PDE10A: variants seen among roughly 807,000 people sequenced by gnomAD.
PDE10A encodes phosphodiesterase 10A.
A neutral mutation model predicts 97.7 loss-of-function variants in PDE10A; 39 were observed. The observed-to-expected ratio is 0.40, with a 90% CI of 0.31 to 0.52. PDE10A has a LOEUF of 0.52. PDE10A is among the 20% of genes least tolerant of loss of function. The pLI is 0.56. For synonymous variants in PDE10A, 371 were observed against 376.8 expected (o/e 0.98, Z 0.18); for missense variants, 731 against 1,047.8 (o/e 0.70, Z 4.17).
intron 1 of PDE10A, among the ~76,000 whole-genome samples, chr6:165,722,693 G>A (rs1449832931): frequency 6.6e-6 from 1 of 152,150 alleles, no homozygotes; most frequent in African/African-American, 2.4e-5. Flanking sequence ...GGATAAGGTG[G>A]GAGATGGTGT....
intron 1 of PDE10A, among the ~76,000 whole-genome samples, chr6:165,846,332 A>G (rs1780418025): frequency 6.6e-6 from 1 of 152,220 alleles, no homozygotes; most frequent in Non-Finnish European, 1.5e-5. Flanking sequence ...CTCCATCGGA[A>G]GTACCGAGGT....
At chr6:165,896,478 C>G (rs1440665468) in intron 1 of PDE10A, among the ~76,000 whole-genome samples, 3 of 151,182 alleles carry the variant, frequency 2.0e-5, no homozygotes, top group Non-Finnish European at 4.4e-5. Flanking sequence ...CTCAGCCTCC[C>G]AAGCAGCTGG....
intron 1 of PDE10A, among the ~76,000 whole-genome samples, chr6:165,783,015 A>G (rs1778387226): frequency 6.7e-6 from 1 of 149,312 alleles, no homozygotes; most frequent in Non-Finnish European, 1.5e-5. Context: ...TGCTCTACAT[A>G]CACTTCCTCG....
In PDE10A at chr6:165,896,521, ATTT is replaced by A. The variant is rs35509574; in HGVS notation, c.-615+91005_-615+91007del. 2.0e-3 allele frequency among the ~76,000 whole-genome samples: 212 copies of A among 105,748 alleles called. 1 individual carries two copies. Among genetic ancestry groups the A allele is most frequent in the African/African-American group, 7.7e-3 (199 of 25,688 alleles). 69.4% of individuals were successfully genotyped at this position (105,748 alleles called of 152,430 possible). ...GGTGCCCACCACAACACGCCAGCTA[ATTT>A]TTTTTTTTTTTTTTTTTTGAGATGG... On this transcript the variant is annotated intron_variant, in intron 1 of 19. Coordinates refer to the PDE10A transcript ENST00000366882.
chr6:165,427,681 C>A (rs220827), intron 10 of PDE10A, among the ~76,000 whole-genome samples: 149,655 of 152,268 alleles, frequency 0.98, 73,548 homozygotes, highest in East Asian at 1. Flanking sequence ...TTTAAAAGAA[C>A]ATATTAATAA....
intron 1 of PDE10A, among the ~76,000 whole-genome samples, chr6:165,804,160 A>G (rs2128465997): frequency 6.6e-6 from 1 of 152,340 alleles, no homozygotes. Context: ...TCGGTTTAAA[A>G]AGTTAAATAC....
At chr6:165,575,444 C>T (rs1451743238) in intron 1 of PDE10A, among the ~76,000 whole-genome samples, 3 of 152,168 alleles carry the variant, frequency 2.0e-5, no homozygotes, top group Admixed American at 2.0e-4. Context: ...TGAACCTCTA[C>T]CCACTTTCTA....
chr6:165,866,912 A>G (rs1168306838), intron 1 of PDE10A, among the ~76,000 whole-genome samples: 1 of 152,088 alleles, frequency 6.6e-6, no homozygotes, highest in Non-Finnish European at 1.5e-5. Flanking sequence ...ATTCATCATT[A>G]TTAGACTAGT....
intron 1 of PDE10A, among the ~76,000 whole-genome samples, chr6:165,691,521 T>A (rs1246833546): frequency 6.6e-6 from 1 of 151,674 alleles, no homozygotes; most frequent in East Asian, 2.0e-4. Flanking sequence ...AACACATTTC[T>A]CAGAATGCAT....
intron 18 of PDE10A, among the ~76,000 whole-genome samples, chr6:165,358,847 T>C (rs1364323362): frequency 1.3e-5 from 2 of 151,794 alleles, no homozygotes; most frequent in Non-Finnish European, 2.9e-5. Flanking sequence ...AGTAGATAAA[T>C]ATGCATATTC....
intron 3 of PDE10A, among the ~76,000 whole-genome samples, chr6:165,478,694 TC>T (rs1779431891): frequency 6.6e-6 from 1 of 152,176 alleles, no homozygotes; most frequent in African/African-American, 2.4e-5. Context: ...CCTTTCCCTT[TC>T]CAGGTCTTTT....
At chr6:165,841,065 G>A (rs576109362) in intron 1 of PDE10A, among the ~76,000 whole-genome samples, 5 of 152,156 alleles carry the variant, frequency 3.3e-5, no homozygotes, top group Non-Finnish European at 7.3e-5. Flanking sequence ...TCTCAGCATG[G>A]TACTTTGTCC....
intron 3 of PDE10A, among the ~76,000 whole-genome samples, chr6:165,474,887 GA>G (rs1488709925): frequency 6.6e-6 from 1 of 152,070 alleles, no homozygotes; most frequent in African/African-American, 2.4e-5. Context: ...GAGAAAAAGA[GA>G]AAAAAGCAAG....
At chr6:165,656,579 T>C (rs1039716632) in intron 1 of PDE10A, among the ~76,000 whole-genome samples, 11 of 152,078 alleles carry the variant, frequency 7.2e-5, no homozygotes, top group African/African-American at 1.9e-4. Context: ...TGAGGGGTCA[T>C]TGTAAAGTAT....
At chr6:165,968,699 T>A (rs1784586168) in intron 1 of PDE10A, among the ~76,000 whole-genome samples, 1 of 152,120 alleles carries the variant, frequency 6.6e-6, no homozygotes. Context: ...TGAAGATGAT[T>A]AACAGATCAA....
intron 1 of PDE10A, among the ~76,000 whole-genome samples, chr6:165,983,148 G>A (rs576160779): frequency 1.8e-4 from 28 of 152,192 alleles, no homozygotes; most frequent in African/African-American, 5.8e-4. Flanking sequence ...GTCTAAGCTA[G>A]GATAATGTAC....
chr6:165,435,417 A>T, intron 5 of PDE10A, 40 bp from the exon 6 acceptor site: 1 of 1,576,612 alleles, frequency 6.3e-7, no homozygotes, highest in African/African-American at 1.4e-5. Context: ...TTTCCTGTAC[A>T]TGTGCATAGT....
Position 165,541,999 on chromosome 6 carries a change from AC to A in PDE10A, c.994+1440del, listed in dbSNP as rs1362592697. 2.0e-5 allele frequency among the ~76,000 whole-genome samples: 3 copies of A among 152,238 alleles called. No individual in the cohort carries two copies. The East Asian group carries it at 5.8e-4, about 29-fold the overall frequency. On this transcript the variant is annotated intron_variant, in intron 2 of 21. Coordinates refer to ENST00000539869, the MANE Select transcript of PDE10A (RefSeq NM_001385079.1). ...GAGAAAAATTACCTATACTTCTAAC[AC>A]CATAACATTTTAATAACAATTATAC...
At chr6:165,641,056 T>C (rs753516704) in intron 1 of PDE10A, among the ~76,000 whole-genome samples, 7 of 152,140 alleles carry the variant, frequency 4.6e-5, no homozygotes, top group Non-Finnish European at 8.8e-5. Flanking sequence ...GGCAAGCTGA[T>C]CACAGCAACA....
Sources: allele counts gnomAD v4.1 joint callset (sites outside exome capture counted in the v4.1 genomes callset), GRCh38; gene constraint gnomAD v4.1.1; transcripts MANE v1.5; gene names NCBI Gene and HGNC (gene_info 2026-07-23, HGNC 2026-07-21).